Variants in TULP4 observed in about 807,000 individuals in gnomAD.
TULP4 encodes tubby-related protein 4.
TULP4 carries 16 observed loss-of-function variants against 129.0 expected under a neutral mutation model. That is an observed-to-expected ratio of 0.12 (90% CI 0.08 to 0.19). TULP4 has a LOEUF of 0.19. Ranked by LOEUF, TULP4 falls within the 10% of genes least tolerant of loss-of-function variation. The probability of loss-of-function intolerance (pLI) is 1.00; values close to 1 mark genes in which losing one functional copy is unlikely to be tolerated. For synonymous variants in TULP4, 998 were observed against 854.0 expected, an observed-to-expected ratio of 1.17 and a Z score of -2.94; for missense variants, 1,842 against 2,059.1, an observed-to-expected ratio of 0.89 and a Z score of 2.04.
chr6:158,460,455 G>A (rs1471701983), intron 5 of TULP4, among the ~76,000 whole-genome samples: 1 of 149,974 alleles, frequency 6.7e-6, no homozygotes, highest in Non-Finnish European at 1.5e-5. Flanking sequence ...TCTTGAAGGA[G>A]AAAAAAAAAA....
At chr6:158,463,504 G>A (rs1047008635) in intron 6 of TULP4, among the ~76,000 whole-genome samples, 1 of 151,986 alleles carries the variant, frequency 6.6e-6, no homozygotes, top group Non-Finnish European at 1.5e-5. Flanking sequence ...TGTAGGGTGG[G>A]GGTAGCGGGG....
chr6:158,452,456 A>C (rs1193867249), intron 5 of TULP4, among the ~76,000 whole-genome samples, 188 bp downstream of exon 5: 1 of 152,196 alleles, frequency 6.6e-6, no homozygotes, highest in Non-Finnish European at 1.5e-5. Context: ...GTCCATACCT[A>C]GTCTTATCTC....
In TULP4 at chr6:158,494,603, C is replaced by A. The variant is rs1047768770; in HGVS notation, c.1777-150C>A. On this transcript the variant is annotated intron_variant, in intron 10 of 13. Coordinates refer to ENST00000367097, the MANE Select transcript of TULP4 (RefSeq NM_020245.5). Reference sequence around the variant, plus strand: ...CTGGCTGCCCTCGTTAGCTTCTGATCTTGCAAATGGTAGATGAGGTAGGGA... The same window carrying A: ...CTGGCTGCCCTCGTTAGCTTCTGATATTGCAAATGGTAGATGAGGTAGGGA... 6.7e-5 allele frequency: 47 copies of A among 706,492 alleles called. No individual in the cohort carries two copies. In the African/African-American group the frequency reaches 7.2e-4, roughly 11 times the overall value. The allele number at this position is 706,492 out of a possible 1,614,324, so 43.8% of individuals were successfully genotyped here.
chr6:158,312,016 T>C, upstream of TULP4: 1 of 383,576 alleles, frequency 2.6e-6, no homozygotes, highest in Admixed American at 5.2e-5. Flanking sequence ...GTTTTAAAGT[T>C]TTTAAATTTT....
intron 1 of TULP4, among the ~76,000 whole-genome samples, chr6:158,302,041 C>G (rs758055300): frequency 6.6e-6 from 1 of 152,140 alleles, no homozygotes; most frequent in Non-Finnish European, 1.5e-5. Flanking sequence ...GATGTGTAAT[C>G]CAGCCTCTTT....
chr6:158,361,060 C>G (rs1486681982), intron 1 of TULP4, among the ~76,000 whole-genome samples: 1 of 151,862 alleles, frequency 6.6e-6, no homozygotes, highest in African/African-American at 2.4e-5. Flanking sequence ...AGTTTTATTT[C>G]TTTTTTAAAG....
At chr6:158,241,500 C>T (rs1477549624) in intron 1 of TULP4, among the ~76,000 whole-genome samples, 1 of 151,722 alleles carries the variant, frequency 6.6e-6, no homozygotes, top group Admixed American at 6.6e-5. Context: ...CCCGGCACCT[C>T]GGGAGGCCAA....
At chr6:158,312,108 T>G (rs1301679062), upstream of TULP4, 16 of 398,214 alleles carry the variant, frequency 4.0e-5, no homozygotes, top group Non-Finnish European at 7.1e-5. Flanking sequence ...CTGAAATGAC[T>G]GGGGAAGCAG....
At chr6:158,332,540 G>A (rs982016330) in intron 1 of TULP4, among the ~76,000 whole-genome samples, 1 of 152,054 alleles carries the variant, frequency 6.6e-6, no homozygotes, top group African/African-American at 2.4e-5. Context: ...GGATGGAGAG[G>A]GACTTGCAGA....
intron 1 of TULP4, among the ~76,000 whole-genome samples, chr6:158,350,101 G>A (rs1287259583): frequency 6.7e-6 from 1 of 150,044 alleles, no homozygotes; most frequent in Non-Finnish European, 1.5e-5. Context: ...GGGCAGCCGG[G>A]CAGAGGCGCT....
At chr6:158,431,429 T>TC (rs1328398170) in intron 3 of TULP4, among the ~76,000 whole-genome samples, 3 of 152,218 alleles carry the variant, frequency 2.0e-5, no homozygotes, top group African/African-American at 7.2e-5. Context: ...CATCTCATGG[T>TC]CCTCTGATGA....
chr6:158,376,441 G>A (rs1228129754), intron 1 of TULP4, among the ~76,000 whole-genome samples: 3 of 152,172 alleles, frequency 2.0e-5, no homozygotes, highest in African/African-American at 7.2e-5. Flanking sequence ...GGCTCCAAAG[G>A]CATATGTCCG....
intron 1 of TULP4, among the ~76,000 whole-genome samples, chr6:158,240,344 G>C: frequency 1.2e-5 from 1 of 80,270 alleles, no homozygotes; most frequent in Non-Finnish European, 2.7e-5. Context: ...CGGGCGGGGG[G>C]CTGACTCCCC....
upstream of TULP4, chr6:158,312,337 G>C (rs1405892850): frequency 1.0e-5 from 4 of 388,664 alleles, no homozygotes; most frequent in Non-Finnish European, 1.8e-5. Flanking sequence ...TTTTCCATAT[G>C]GTCTGCACGG....
At chr6:158,271,817 T>A (rs1197779476) in intron 1 of TULP4, among the ~76,000 whole-genome samples, 1 of 152,150 alleles carries the variant, frequency 6.6e-6, no homozygotes, top group African/African-American at 2.4e-5. Context: ...AGTTTTAGTT[T>A]AAAGTTGGAA....
In TULP4 at chr6:158,283,639, G is replaced by C. The variant is rs189749145; in HGVS notation, n.116+1261G>C. On this transcript the variant is annotated intron_variant and non_coding_transcript_variant, in intron 1 of 1. Transcript: ENST00000432358. ...GTGTTCTTAAACTGTCCTCTTTATT[G>C]GTGGAAGTACCAGTAAATAGAATCA... Among the ~76,000 whole-genome samples, 100 of 152,232 alleles carry C rather than the reference G, an allele frequency of 6.6e-4. 1 individual carries two copies. Among genetic ancestry groups the C allele is most frequent in the African/African-American group, 2.1e-3 (86 of 41,532 alleles).
At chr6:158,309,925 GGAGGGGGA>G, upstream of TULP4, among the ~76,000 whole-genome samples, 1 of 142,894 alleles carries the variant, frequency 7.0e-6, no homozygotes, top group Non-Finnish European at 1.5e-5. Context: ...AGGGGGAGGG[GGAGGGGGA>G]GAGGGAGAGG....
intron 4 of TULP4, among the ~76,000 whole-genome samples, chr6:158,450,458 C>G (rs1779140855): frequency 6.6e-6 from 1 of 152,162 alleles, no homozygotes; most frequent in Non-Finnish European, 1.5e-5. Flanking sequence ...CATACTCATT[C>G]ATTTATTCAT....
chr6:158,315,515 G>A (rs1247654873), intron 1 of TULP4, among the ~76,000 whole-genome samples: 3 of 152,094 alleles, frequency 2.0e-5, no homozygotes, highest in African/African-American at 7.2e-5. Flanking sequence ...CTTAACTCTC[G>A]ATTATTTTTA....
Sources: gnomAD v4.1 joint callset for allele counts (sites outside exome capture counted in the v4.1 genomes callset) on GRCh38, gnomAD v4.1.1 for gene constraint, MANE v1.5 for transcripts, NCBI Gene and HGNC (gene_info 2026-07-23, HGNC 2026-07-21) for gene names.